Variants in SPON1 observed in about 807,000 individuals in gnomAD.
SPON1 encodes spondin-1.
In SPON1, 52 loss-of-function variants were observed where a neutral mutation model predicts 111.7. The observed-to-expected ratio is 0.47, with a 90% CI of 0.37 to 0.59. The LOEUF (loss-of-function observed/expected upper bound fraction) is 0.59. SPON1 is among the 20% of genes least tolerant of loss of function. The pLI, the probability that SPON1 is intolerant of heterozygous loss-of-function variation, is 0.00. For missense variants in SPON1, 957 were observed against 1,068.5 expected (o/e 0.90, Z 1.46); for synonymous variants, 410 against 395.8 (o/e 1.04, Z -0.43).
At chr11:14,149,902 G>A (rs10766152) in intron 6 of SPON1, among the ~76,000 whole-genome samples, 60,534 of 151,860 alleles carry the variant, frequency 0.4, 12,249 homozygotes, top group East Asian at 0.55. Context: ...GCATATCCCC[G>A]TTGTTAAGTG....
chr11:14,031,406 G>A (rs1881520), intron 2 of SPON1, among the ~76,000 whole-genome samples: 44,810 of 152,084 alleles, frequency 0.29, 7,783 homozygotes, highest in South Asian at 0.5. Flanking sequence ...CAGGATTTAA[G>A]CCTAAATCTT....
At chr11:14,235,423 A>G (rs1193780528) in intron 6 of SPON1, among the ~76,000 whole-genome samples, 2 of 152,158 alleles carry the variant, frequency 1.3e-5, no homozygotes, top group Non-Finnish European at 2.9e-5. Context: ...TCACGCCTGT[A>G]ATCCCAACAC....
Position 13,962,771 on chromosome 11 carries a change from G to A in SPON1, c.-134G>A. 1 of 796,112 alleles carries A rather than the reference G, an allele frequency of 1.3e-6. No homozygotes were observed. Among genetic ancestry groups the A allele is most frequent in the South Asian group, 2.1e-5 (1 of 46,656 alleles). 49.3% of individuals were successfully genotyped at this position (796,112 alleles called of 1,614,324 possible). On this transcript the variant is annotated 5_prime_UTR_variant, in exon 1 of 16. Transcript: ENST00000576479. Reference sequence around the variant, plus strand: ...CCAAGCCGAGGCGGGCACGGTCTCCGAGTCGCGGACGCCAGCTCCGAGCTC... The same window carrying A: ...CCAAGCCGAGGCGGGCACGGTCTCCAAGTCGCGGACGCCAGCTCCGAGCTC...
chr11:14,180,019 CTT>C (rs1848220590), intron 6 of SPON1, among the ~76,000 whole-genome samples: 1 of 152,180 alleles, frequency 6.6e-6, no homozygotes, highest in East Asian at 1.9e-4. Context: ...GCAGAAGACT[CTT>C]TACAGATCCC....
intron 3 of SPON1, among the ~76,000 whole-genome samples, chr11:14,049,300 CT>C (rs1848691413): frequency 6.6e-6 from 1 of 152,172 alleles, no homozygotes; most frequent in Admixed American, 6.5e-5. Flanking sequence ...CATTCATTGC[CT>C]AATTCACAGA....
In SPON1 at chr11:14,262,664, T is replaced by C. The variant is rs539685341; in HGVS notation, c.1997-48T>C. On this transcript the variant is annotated intron_variant, in intron 14 of 15. Transcript: ENST00000576479. Reference sequence around the variant, plus strand: ...ATGTTCAAAGGAGAGCGTGACCATATCTTGTTTCAGACATGTGATACACTC... The same window carrying C: ...ATGTTCAAAGGAGAGCGTGACCATACCTTGTTTCAGACATGTGATACACTC... The C allele has an allele frequency of 8.7e-5, 140 of 1,610,070 alleles. No individual in the cohort carries two copies. The African/African-American group carries it at 1.8e-3, about 20-fold the overall frequency.
chr11:14,035,720 C>A (rs1848589947), intron 2 of SPON1, among the ~76,000 whole-genome samples: 1 of 151,362 alleles, frequency 6.6e-6, no homozygotes, highest in Non-Finnish European at 1.5e-5. Flanking sequence ...TGAGTTTAAG[C>A]AATCCTTCTA....
At chr11:14,093,631 A>G (rs1849076154) in intron 5 of SPON1, among the ~76,000 whole-genome samples, 2 of 152,232 alleles carry the variant, frequency 1.3e-5, no homozygotes, top group Non-Finnish European at 2.9e-5. Context: ...TCATTTTACA[A>G]TGAAATTCAG....
In SPON1 at chr11:14,254,583, T is replaced by C. The variant is rs1554940968; in HGVS notation, c.946T>C (p.Phe316Leu). Reference protein sequence around the residue: ...SVDRTRHLMSFLTMMGPSPDW... With the variant: ...SVDRTRHLMSLLTMMGPSPDW... ...GGACAGAACGCGCCATTTAATGTCCTTCCTGACCATGATGGGCCCTAGTCC... is the reference window on the plus strand; with the variant it reads ...GGACAGAACGCGCCATTTAATGTCCCTCCTGACCATGATGGGCCCTAGTCC... The change falls in exon 8 of 16, where the codon TTC becomes CTC. Residue 316 changes from phenylalanine (F) to leucine (L), a missense_variant. Phe to Leu is a conservative substitution (Grantham distance 22). Around this residue, in one of 5 missense-constraint regions of SPON1, gnomAD observed 122 missense variants for 143.2 expected, o/e 0.85. Transcript: ENST00000576479. 1 of 1,613,750 alleles carries C rather than the reference T, an allele frequency of 6.2e-7. No individual in the cohort carries two copies. The highest frequency in any genetic ancestry group is 8.5e-7 in the Non-Finnish European group (1 of 1,179,794).
rs112246722 is a variant in SPON1 at position 14,175,115 on chromosome 11, A to G, written c.825+39547A>G. On this transcript the variant is annotated intron_variant, in intron 6 of 15. Coordinates refer to ENST00000576479, the MANE Select transcript of SPON1 (RefSeq NM_006108.4). Reference sequence around the variant, plus strand: ...CCAGAAAGGAATCATTCCAGAAGCCAACAATTGAACCTAGGCCACCACTGT... The same window carrying G: ...CCAGAAAGGAATCATTCCAGAAGCCGACAATTGAACCTAGGCCACCACTGT... Among the ~76,000 whole-genome samples, 860 of 152,360 alleles carry G rather than the reference A, an allele frequency of 5.6e-3. 12 individuals carry two copies. Among genetic ancestry groups the G allele is most frequent in the African/African-American group, 0.02 (819 of 41,582 alleles).
intron 1 of SPON1, among the ~76,000 whole-genome samples, chr11:13,968,220 C>T (rs1848034117): frequency 1.3e-5 from 2 of 152,184 alleles, no homozygotes; most frequent in South Asian, 4.1e-4. Flanking sequence ...ACAGGCTAAG[C>T]TCATGTTACT....
intron 6 of SPON1, among the ~76,000 whole-genome samples, chr11:14,163,196 A>C (rs1352267571): frequency 6.6e-6 from 1 of 152,214 alleles, no homozygotes; most frequent in Non-Finnish European, 1.5e-5. Flanking sequence ...CATGAATGTC[A>C]TTGAATCTTT....
intron 6 of SPON1, among the ~76,000 whole-genome samples, chr11:14,164,588 A>T (rs1848005663): frequency 6.6e-6 from 1 of 152,180 alleles, no homozygotes; most frequent in South Asian, 2.1e-4. Flanking sequence ...AGTCAAACCT[A>T]ATCCTAACTG....
Position 14,024,203 on chromosome 11 carries a change from G to C in SPON1, c.346-17318G>C, listed in dbSNP as rs376053584. On this transcript the variant is annotated intron_variant, in intron 2 of 15. Transcript: ENST00000576479. ...GCAGTATCTTGGGGTGAGTGCTTAC[G>C]ACTCTTGAAGCCCCAGTGGGTGTGT... Among the ~76,000 whole-genome samples, 23 of 152,262 alleles carry C rather than the reference G, an allele frequency of 1.5e-4. No individual in the cohort carries two copies. In the South Asian group the frequency reaches 1.9e-3, roughly 12 times the overall value.
intron 3 of SPON1, among the ~76,000 whole-genome samples, chr11:14,074,748 C>T: frequency 6.6e-6 from 1 of 152,062 alleles, no homozygotes; most frequent in Admixed American, 6.5e-5. Context: ...ATTTTTCAGC[C>T]TCAAAATATT....
intron 6 of SPON1, among the ~76,000 whole-genome samples, chr11:14,204,326 A>T (rs1352107655): frequency 6.6e-6 from 1 of 152,086 alleles, no homozygotes; most frequent in Non-Finnish European, 1.5e-5. Context: ...TCTGTCTCTG[A>T]GGTTGGGTAC....
chr11:14,136,887 G>C (rs1474392426), intron 6 of SPON1, among the ~76,000 whole-genome samples: 1 of 152,142 alleles, frequency 6.6e-6, no homozygotes, highest in Non-Finnish European at 1.5e-5. Flanking sequence ...GTCATGCAGG[G>C]CTCTATATTG....
chr11:14,264,789 TCTAAC>T (rs1554942298), intron 15 of SPON1, among the ~76,000 whole-genome samples: 3 of 152,202 alleles, frequency 2.0e-5, no homozygotes, highest in Admixed American at 6.5e-5. Context: ...AATCAAAAGA[TCTAAC>T]CTAATTAATC....
At chr11:14,107,038 A>G (rs1849190102) in intron 5 of SPON1, among the ~76,000 whole-genome samples, 2 of 152,168 alleles carry the variant, frequency 1.3e-5, no homozygotes, top group South Asian at 4.1e-4. Flanking sequence ...AGCTTGCCTC[A>G]ATTTAAGAGC....
Sources: allele counts gnomAD v4.1 joint callset (sites outside exome capture counted in the v4.1 genomes callset), GRCh38; gene constraint gnomAD v4.1.1; regional missense constraint gnomAD v4.1.1; transcripts MANE v1.5; gene names NCBI Gene and HGNC (gene_info 2026-07-23, HGNC 2026-07-21).